Variants in SSH2 observed in about 807,000 individuals in gnomAD.
The protein encoded by SSH2 is slingshot protein phosphatase 2.
A neutral mutation model predicts 135.2 loss-of-function variants in SSH2; 37 were observed. The ratio of observed to expected loss-of-function variants is 0.27; its 90% CI spans 0.21 to 0.36. SSH2 has a LOEUF of 0.36. Ranked by LOEUF, SSH2 falls within the 10% of genes least tolerant of loss-of-function variation. The pLI, the probability that SSH2 is intolerant of heterozygous loss-of-function variation, is 1.00. For synonymous variants in SSH2, 628 were observed against 646.2 expected (o/e 0.97, Z 0.43); for missense variants, 1,408 against 1,765.3 (o/e 0.80, Z 3.63).
At chr17:29,895,178 A>G (rs2151450201) in intron 1 of SSH2, among the ~76,000 whole-genome samples, 2 of 145,686 alleles carry the variant, frequency 1.4e-5, no homozygotes, top group South Asian at 4.2e-4. Flanking sequence ...AATACATTAT[A>G]CATATATTTT....
intron 6 of SSH2, among the ~76,000 whole-genome samples, chr17:29,678,238 C>T (rs564015905): frequency 2.5e-4 from 38 of 152,182 alleles, no homozygotes; most frequent in African/African-American, 4.1e-4. Context: ...GGATTACAGG[C>T]GAGCGCCACC....
chr17:29,763,218 G>GT (rs2041364345), intron 3 of SSH2, among the ~76,000 whole-genome samples: 1 of 152,290 alleles, frequency 6.6e-6, no homozygotes, highest in East Asian at 1.9e-4. Flanking sequence ...GCTGTAAAGA[G>GT]TTATCTAAGT....
At chr17:29,746,094 T>C (rs552045805) in intron 3 of SSH2, among the ~76,000 whole-genome samples, 1 of 152,318 alleles carries the variant, frequency 6.6e-6, no homozygotes, top group Admixed American at 6.5e-5. Flanking sequence ...ATTAACACAA[T>C]GATAGATATC....
intron 1 of SSH2, among the ~76,000 whole-genome samples, chr17:29,890,070 A>T (rs1331109945): frequency 6.6e-6 from 1 of 152,268 alleles, no homozygotes; most frequent in Non-Finnish European, 1.5e-5. Flanking sequence ...AAGATGTTCA[A>T]CATCATTAGC....
intron 3 of SSH2, among the ~76,000 whole-genome samples, chr17:29,708,711 C>T (rs1305285789): frequency 6.6e-6 from 1 of 151,246 alleles, no homozygotes; most frequent in Non-Finnish European, 1.5e-5. Context: ...CTGCAGTAAA[C>T]TCTATGAAGT....
intron 6 of SSH2, among the ~76,000 whole-genome samples, chr17:29,681,563 AT>A (rs1284886402): frequency 6.6e-6 from 1 of 151,610 alleles, no homozygotes; most frequent in Non-Finnish European, 1.5e-5. Flanking sequence ...ACAAAAAGAA[AT>A]GGAAAAAAAA....
chr17:29,821,736 C>T (rs988521513), intron 2 of SSH2, among the ~76,000 whole-genome samples: 7 of 151,660 alleles, frequency 4.6e-5, no homozygotes, highest in Non-Finnish European at 5.9e-5. Context: ...CCTCTGCCCC[C>T]GGGTTCAAGT....
At chr17:29,816,895 G>GA (rs770104579) in intron 2 of SSH2, among the ~76,000 whole-genome samples, 66 of 152,078 alleles carry the variant, frequency 4.3e-4, no homozygotes, top group Admixed American at 5.9e-4. Flanking sequence ...TTTTATTAAT[G>GA]AAAATAAATG....
chr17:29,661,709 A>T (rs781314329), intron 11 of SSH2, among the ~76,000 whole-genome samples: 1 of 152,204 alleles, frequency 6.6e-6, no homozygotes, highest in Non-Finnish European at 1.5e-5. Context: ...TTAATTTAGA[A>T]ATCTAAATCC....
At chr17:29,893,308 G>A (rs551875685) in intron 1 of SSH2, among the ~76,000 whole-genome samples, 1 of 151,948 alleles carries the variant, frequency 6.6e-6, no homozygotes, top group Non-Finnish European at 1.5e-5. Flanking sequence ...GGGGGGTGGG[G>A]GAGAATTGCT....
chr17:29,866,102 C>CA (rs34216701), intron 1 of SSH2: 13,613 of 113,492 alleles, frequency 0.12, 1,601 homozygotes, highest in African/African-American at 0.35. Flanking sequence ...AACTCCATCT[C>CA]AAAAAAAAAA....
At chr17:29,913,365 TATATA>T in intron 1 of SSH2, among the ~76,000 whole-genome samples, 1 of 78,562 alleles carries the variant, frequency 1.3e-5, no homozygotes, top group African/African-American at 4.5e-5. Context: ...TATATATATA[TATATA>T]TATATATATA....
intron 3 of SSH2, among the ~76,000 whole-genome samples, chr17:29,710,039 A>C (rs1203669075): frequency 6.6e-6 from 1 of 152,236 alleles, no homozygotes; most frequent in Non-Finnish European, 1.5e-5. Flanking sequence ...AGGTCAACTA[A>C]GGGAAGAAAA....
rs1253049142 is a variant in SSH2 at position 29,627,775 on chromosome 17, C to T, written c.*3066G>A. The T allele has an allele frequency of 6.6e-6, 1 of 152,578 alleles. No homozygotes were observed. The highest frequency in any genetic ancestry group is 2.4e-5 in the African/African-American group (1 of 41,434). 9.5% of individuals were successfully genotyped at this position (152,578 alleles called of 1,614,324 possible). On this transcript the variant is annotated 3_prime_UTR_variant, in exon 16 of 16. Transcript: ENST00000540801. ...AAAAATCAAGAAAGGGTTGGGGTTTCCCTTTCTACTGACCAGGTTCAGCTC... is the reference window on the plus strand; with the variant it reads ...AAAAATCAAGAAAGGGTTGGGGTTTTCCTTTCTACTGACCAGGTTCAGCTC...
intron 3 of SSH2, chr17:29,761,300 C>T (rs1245683289): frequency 7.9e-7 from 1 of 1,273,774 alleles, no homozygotes; most frequent in African/African-American, 1.5e-5. Context: ...AAGTGCACAA[C>T]TCCGCATCCT....
intron 14 of SSH2, among the ~76,000 whole-genome samples, chr17:29,642,820 AGGAGCCT>A (rs1350170967): frequency 6.6e-6 from 1 of 152,168 alleles, no homozygotes; most frequent in East Asian, 1.9e-4. Context: ...AAATCAGTAC[AGGAGCCT>A]GGAGTCACTT....
intron 1 of SSH2, among the ~76,000 whole-genome samples, chr17:29,926,332 A>G (rs2067064285): frequency 6.6e-6 from 1 of 151,506 alleles, no homozygotes; most frequent in South Asian, 2.1e-4. Flanking sequence ...TGAGCCCAGG[A>G]GTTTGAGACC....
chr17:29,781,580 A>G (rs2151289230), intron 3 of SSH2, among the ~76,000 whole-genome samples: 1 of 150,222 alleles, frequency 6.7e-6, no homozygotes, highest in East Asian at 2.0e-4. Context: ...CCTAGGTTCA[A>G]GCGATTCTCC....
intron 3 of SSH2, among the ~76,000 whole-genome samples, chr17:29,739,231 C>T (rs2040477663): frequency 6.6e-6 from 1 of 152,100 alleles, no homozygotes; most frequent in Admixed American, 6.5e-5. Flanking sequence ...TAGCAGAGTT[C>T]GAACCGAATC....
Sources: allele counts gnomAD v4.1 joint callset (sites outside exome capture counted in the v4.1 genomes callset), GRCh38; gene constraint gnomAD v4.1.1; transcripts MANE v1.5; gene names NCBI Gene and HGNC (gene_info 2026-07-23, HGNC 2026-07-21).